NPEPPS: variants seen among roughly 807,000 people sequenced by gnomAD.
NPEPPS encodes the protein aminopeptidase puromycin sensitive, also known as puromycin-sensitive aminopeptidase.
NPEPPS carries 14 observed loss-of-function variants against 115.5 expected under a neutral mutation model. The observed-to-expected ratio is 0.12, with a 90% confidence interval of 0.08 to 0.19. The LOEUF (loss-of-function observed/expected upper bound fraction) is 0.19. Among genes scored for constraint, NPEPPS ranks in the 10% least tolerant of loss-of-function variants. The pLI is 1.00. For synonymous variants in NPEPPS, 285 were observed against 390.6 expected (o/e 0.73, Z 3.19); for missense variants, 523 against 1,110.8 (o/e 0.47, Z 7.52).
At chr17:47,587,157 C>T in intron 8 of NPEPPS, 73 bp from the exon 9 acceptor site, 3 of 1,451,508 alleles carry the variant, frequency 2.1e-6, no homozygotes, top group Non-Finnish European at 2.7e-6. Flanking sequence ...GACTTACTGT[C>T]TGAATCTTCC....
At chr17:47,612,878 G>T (rs965276938) in intron 18 of NPEPPS, among the ~76,000 whole-genome samples, 3 of 152,060 alleles carry the variant, frequency 2.0e-5, no homozygotes, top group African/African-American at 7.2e-5. Context: ...GGCCAGGCTC[G>T]TCTCGAACTC....
intron 2 of NPEPPS, chr17:47,559,661 T>G: frequency 2.2e-6 from 1 of 455,706 alleles, no homozygotes; most frequent in Non-Finnish European, 4.4e-6. Flanking sequence ...ACTTGTGGAC[T>G]GCTTTTCTTC....
chr17:47,614,581 T>C (rs984710273), intron 19 of NPEPPS, among the ~76,000 whole-genome samples: 9 of 152,204 alleles, frequency 5.9e-5, no homozygotes, highest in African/African-American at 1.9e-4. Context: ...AGACAAAATA[T>C]AGATAAAACT....
chr17:47,544,502 GTATTTATTTATTTATTTATT>G lies in NPEPPS; in HGVS notation c.256-1377_256-1358del, dbSNP rs61518431. On this transcript the variant is annotated intron_variant, in intron 1 of 22. Transcript: ENST00000322157. ...AATTAAGATTTTTATGAAATTAAAC[GTATTTATTTATTTATTTATT>G]TATTTATTTATTTATTTATTTATTT... Among the ~76,000 whole-genome samples, 30 of 141,592 alleles carry G rather than the reference GTATTTATTTATTTATTTATT, an allele frequency of 2.1e-4. No individual in the cohort carries two copies. The South Asian group carries it at 2.3e-3, about 11-fold the overall frequency. The allele number at this position is 141,592 out of a possible 152,430, so 92.9% of individuals were successfully genotyped here.
Position 47,578,215 on chromosome 17 carries a change from AAAGAG to A in NPEPPS, c.419-1173_419-1169del, listed in dbSNP as rs200198790. Among the ~76,000 whole-genome samples the A allele has an allele frequency of 1.2e-3, 152 of 123,400 alleles. 2 individuals carry two copies. The highest frequency in any genetic ancestry group is 1.8e-3 in the Admixed American group (20 of 11,372). 81.0% of individuals were successfully genotyped at this position (123,400 alleles called of 152,430 possible). A position where few individuals can be genotyped will look rare whatever the true frequency, so the allele number is the denominator to read the frequency against. On this transcript the variant is annotated intron_variant, in intron 3 of 22. Transcript: ENST00000322157. ...AGCCTCTGTCTCAAAAAAAAAAAAA[AAAGAG>A]AGAAAGTCACAACATTTTGAACAAT...
intron 2 of NPEPPS, among the ~76,000 whole-genome samples, chr17:47,556,470 A>G (rs1001606437): frequency 2.0e-5 from 3 of 152,124 alleles, no homozygotes; most frequent in African/African-American, 7.2e-5. Flanking sequence ...GGAGTCTCCT[A>G]TGTCTACTTC....
At chr17:47,526,693 T>C (rs1217665221), upstream of NPEPPS, among the ~76,000 whole-genome samples, 26 of 152,064 alleles carry the variant, frequency 1.7e-4, no homozygotes, top group Admixed American at 1.7e-3. Flanking sequence ...GCGCGGTGGC[T>C]CACGCCTGTA....
intron 19 of NPEPPS, among the ~76,000 whole-genome samples, chr17:47,616,683 C>CA (rs751616382): frequency 6.2e-3 from 593 of 95,458 alleles, no homozygotes; most frequent in Middle Eastern, 0.014. Flanking sequence ...GACTCCGTCT[C>CA]AAAAAAAAAA....
chr17:47,523,468 T>A (rs969629449), intron 1 of NPEPPS, among the ~76,000 whole-genome samples: 1 of 151,934 alleles, frequency 6.6e-6, no homozygotes, highest in Non-Finnish European at 1.5e-5. Flanking sequence ...TCACCCAGGC[T>A]GGAGTGCAAT....
At chr17:47,579,925 T>C (rs796369547) in intron 4 of NPEPPS, 1 of 168,352 alleles carries the variant, frequency 5.9e-6, no homozygotes, top group African/African-American at 2.6e-5. Context: ...GATTTTTTTT[T>C]TCTCCGTGTG....
At chr17:47,542,127 G>A (rs1908810755) in intron 1 of NPEPPS, among the ~76,000 whole-genome samples, 1 of 152,172 alleles carries the variant, frequency 6.6e-6, no homozygotes, top group African/African-American at 2.4e-5. Flanking sequence ...TTGTCTAAGA[G>A]CATTGTTGAT....
chr17:47,563,937 A>AT (rs958673105), intron 2 of NPEPPS, among the ~76,000 whole-genome samples: 11 of 147,524 alleles, frequency 7.5e-5, no homozygotes, highest in Non-Finnish European at 1.5e-4. Flanking sequence ...ATATTATATA[A>AT]TTTTTTTTTT....
chr17:47,533,045 T>C (rs1350904167), intron 1 of NPEPPS, among the ~76,000 whole-genome samples: 2 of 152,220 alleles, frequency 1.3e-5, no homozygotes, highest in Non-Finnish European at 2.9e-5. Context: ...AAGTGAAGAC[T>C]GGTGCTCGAA....
At position 47,531,437 on chromosome 17, in the gene NPEPPS, C is replaced by G. The variant is rs1436384311; in HGVS notation, c.137C>G (p.Pro46Arg). The change falls in exon 1 of 23, where the codon CCG becomes CGG. Residue 46 changes from proline (P) to arginine (R), a missense_variant. Pro to Arg is a moderately radical substitution (Grantham distance 103). This residue lies in a region of NPEPPS where 144 missense variants were observed against 512.4 expected (regional missense o/e 0.28). Transcript: ENST00000322157. ...RLHSLGLAAM[P>R]EKRPFERLPA... is the part of the protein sequence containing the mutation. ...CACAGCCTGGGCCTCGCCGCGATGC[C>G]GGAGAAGAGGCCCTTCGAGCGGCTG... 4 of 1,553,214 alleles carry G rather than the reference C, an allele frequency of 2.6e-6. No homozygotes were observed. In the South Asian group the frequency reaches 3.6e-5, roughly 14 times the overall value.
At chr17:47,585,443 TG>T (rs1912124221) in intron 5 of NPEPPS, 56 bp from the exon 6 acceptor site, 1 of 1,267,200 alleles carries the variant, frequency 7.9e-7, no homozygotes, top group South Asian at 1.2e-5. Context: ...GGCTGGTATT[TG>T]CTCTATGGTA....
intron 17 of NPEPPS, among the ~76,000 whole-genome samples, chr17:47,608,402 C>T (rs530932232): frequency 1.0e-4 from 15 of 144,886 alleles, no homozygotes; most frequent in Non-Finnish European, 2.2e-4. Flanking sequence ...TGCAGTGAGC[C>T]GAGATTGCGC....
intron 3 of NPEPPS, among the ~76,000 whole-genome samples, chr17:47,575,657 T>G (rs1487235451): frequency 6.6e-6 from 1 of 151,092 alleles, no homozygotes; most frequent in Non-Finnish European, 1.5e-5. Flanking sequence ...CAGGCTGGAG[T>G]GCAGTGGCGC....
intron 2 of NPEPPS, among the ~76,000 whole-genome samples, chr17:47,561,415 T>C (rs1272627053): frequency 6.6e-6 from 1 of 151,472 alleles, no homozygotes; most frequent in Non-Finnish European, 1.5e-5. Context: ...TTGGTTTTCG[T>C]CCACAGTTTC....
At chr17:47,614,741 C>T (rs773734244) in intron 19 of NPEPPS, among the ~76,000 whole-genome samples, 10 of 152,078 alleles carry the variant, frequency 6.6e-5, no homozygotes, top group Non-Finnish European at 1.3e-4. Flanking sequence ...TGGAGGTAGC[C>T]GAATCTACTT....
Sources: gnomAD v4.1 joint callset for allele counts (sites outside exome capture counted in the v4.1 genomes callset) on GRCh38, gnomAD v4.1.1 for gene constraint, gnomAD v4.1.1 regional missense constraint, MANE v1.5 for transcripts, NCBI Gene and HGNC (gene_info 2026-07-23, HGNC 2026-07-21) for gene names.